STYXL2: variants seen among roughly 807,000 people sequenced by gnomAD.
STYXL2 encodes the protein serine/threonine/tyrosine interacting like 2, also known as serine/threonine/tyrosine-interacting-like protein 2.
A neutral mutation model predicts 52.4 loss-of-function variants in STYXL2; 44 were observed. That is an observed-to-expected ratio of 0.84 (90% CI 0.66 to 1.08). STYXL2 has a LOEUF of 1.08. Ranked by LOEUF, STYXL2 falls within the 50% of genes least tolerant of loss-of-function variation. The pLI, the probability that STYXL2 is intolerant of heterozygous loss-of-function variation, is 0.00. For synonymous variants in STYXL2, 604 were observed against 586.9 expected (o/e 1.03, Z -0.42); for missense variants, 1,604 against 1,471.7 (o/e 1.09, Z -1.47).
At position 167,128,019 on chromosome 1, in the gene STYXL2, C is replaced by A. The variant is rs747957900; in HGVS notation, c.2888C>A (p.Thr963Asn). ...TCTGGAAGTTCCAGAGGGAAGTACA[C>A]CAGATCGTCCCTGCTCAGGGAGACA... ...DWSGSSRGKY[T>N]RSSLLRETES... is the part of the protein sequence containing the mutation. Residue 963 changes from threonine (T) to asparagine (N), a missense_variant, in exon 6 of 6, where the codon ACC (threonine) becomes AAC (asparagine). Transcript: ENST00000361200. 11 of 1,614,206 alleles carry A rather than the reference C, an allele frequency of 6.8e-6. No individual in the cohort carries two copies. The highest frequency in any genetic ancestry group is 8.5e-6 in the Non-Finnish European group (10 of 1,180,036).
At chr1:167,114,018 C>G (rs558244041) in intron 3 of STYXL2, among the ~76,000 whole-genome samples, 2 of 152,266 alleles carry the variant, frequency 1.3e-5, no homozygotes, top group Non-Finnish European at 2.9e-5. Context: ...CAGGGACAAC[C>G]AGAGAGGCAG....
At chr1:167,120,973 T>A (rs2102243114) in intron 5 of STYXL2, among the ~76,000 whole-genome samples, 1 of 150,986 alleles carries the variant, frequency 6.6e-6, no homozygotes. Context: ...CTCACATATA[T>A]ATACAGTTTT....
Position 167,119,436 on chromosome 1 carries a change from T to A in STYXL2, c.625T>A (p.Phe209Ile). 2 of 1,614,162 alleles carry A rather than the reference T, an allele frequency of 1.2e-6. No individual in the cohort carries two copies. The highest frequency in any genetic ancestry group is 1.7e-6 in the Non-Finnish European group (2 of 1,180,022). Residue 209 changes from phenylalanine (F) to isoleucine (I), a missense_variant, in exon 5 of 6, where the codon TTC becomes ATC. Physicochemically the swap from Phe to Ile is conservative, Grantham distance 21. Coordinates refer to ENST00000361200, the MANE Select transcript of STYXL2 (RefSeq NM_001080426.3). ...ISQHFRKASEFLDEALLTYRG... is the reference protein window; with the variant it reads ...ISQHFRKASEILDEALLTYRG... The stretch of plus-strand genomic sequence containing the variant: ...CCAGCATTTCCGGAAGGCGTCTGAG[T>A]TCCTGGATGAGGCGCTGCTGACTTA...
Position 167,117,536 on chromosome 1 carries a change from G to A in STYXL2, c.414G>A (p.Trp138Ter), listed in dbSNP as rs1265998887. 1.9e-6 allele frequency: 3 copies of A among 1,604,820 alleles called. No homozygotes were observed. Among genetic ancestry groups the A allele is most frequent in the Middle Eastern group, 1.7e-4 (1 of 6,054 alleles). Residue 138 changes from tryptophan (W) to a stop codon, truncating the protein, a stop_gained, in exon 4 of 6, where the codon TGG (tryptophan) becomes TGA (stop). Coordinates refer to ENST00000361200, the MANE Select transcript of STYXL2 (RefSeq NM_001080426.3). LOFTEE classifies it high-confidence loss of function. ...EAPWNEVDEV[W>*]PNVFIAEKSV... ...CCTGGAATGAGGTGGATGAGGTCTG[G>A]CCCAATGTCTTCATAGCTGAGAAGT...
At chr1:167,111,469 C>CATATATATAT (rs776014246) in intron 2 of STYXL2, among the ~76,000 whole-genome samples, 23 of 79,866 alleles carry the variant, frequency 2.9e-4, no homozygotes, top group Admixed American at 4.8e-4. Context: ...AAATATGGTA[C>CATATATATAT]ATATATATAT....
intron 2 of STYXL2, among the ~76,000 whole-genome samples, chr1:167,112,673 C>T (rs1438393485): frequency 6.6e-6 from 1 of 152,200 alleles, no homozygotes; most frequent in East Asian, 1.9e-4. Context: ...AGCAGGACTG[C>T]CCTATGTTCT....
In STYXL2 at chr1:167,097,634, A is replaced by T. The variant is rs12086427; in HGVS notation, c.110+2675A>T. 1.9e-3 allele frequency among the ~76,000 whole-genome samples: 283 copies of T among 152,242 alleles called. 2 individuals carry two copies. The highest frequency in any genetic ancestry group is 6.5e-3 in the African/African-American group (268 of 41,542). Reference sequence around the variant, plus strand: ...ATAATCAATCTAAAAGGAGAAAAGAAAGTAGAGAAAAAGAATACAGAAAAA... The same window carrying T: ...ATAATCAATCTAAAAGGAGAAAAGATAGTAGAGAAAAAGAATACAGAAAAA... On this transcript the variant is annotated intron_variant, in intron 2 of 5. Coordinates refer to ENST00000361200, the MANE Select transcript of STYXL2 (RefSeq NM_001080426.3).
chr1:167,108,480 C>T lies in STYXL2; in HGVS notation c.111-5230C>T, dbSNP rs180719994. 4.7e-4 allele frequency among the ~76,000 whole-genome samples: 71 copies of T among 152,298 alleles called. 1 individual carries two copies. Among genetic ancestry groups the T allele is most frequent in the Admixed American group, 2.4e-3 (36 of 15,302 alleles). ...ACGTTTGTTTGAAAATGCATCTTTT[C>T]GTCACAGAAAATGCTTGGTGCTAGA... On this transcript the variant is annotated intron_variant, in intron 2 of 5. Transcript: ENST00000361200.
chr1:167,101,675 G>A (rs1340260858), intron 2 of STYXL2, among the ~76,000 whole-genome samples: 1 of 152,032 alleles, frequency 6.6e-6, no homozygotes, highest in East Asian at 1.9e-4. Context: ...GTGGTGGTGG[G>A]CACCTGTAAG....
intron 5 of STYXL2, among the ~76,000 whole-genome samples, chr1:167,125,571 T>C (rs1305421302): frequency 6.6e-6 from 1 of 152,198 alleles, no homozygotes; most frequent in African/African-American, 2.4e-5. Flanking sequence ...GTGTTTCAAA[T>C]ACAGGGCCAG....
In STYXL2 at chr1:167,118,343, A is replaced by C. The variant is rs148133359; in HGVS notation, c.437+784A>C. Reference sequence around the variant, plus strand: ...TTGCTGACTCATCGAATACTTAATGAGATGTTTTCCCAGTGTAATTATCCA... The same window carrying C: ...TTGCTGACTCATCGAATACTTAATGCGATGTTTTCCCAGTGTAATTATCCA... On this transcript the variant is annotated intron_variant, in intron 4 of 5. Coordinates refer to ENST00000361200, the MANE Select transcript of STYXL2 (RefSeq NM_001080426.3). 1.6e-4 allele frequency among the ~76,000 whole-genome samples: 24 copies of C among 152,322 alleles called. No homozygotes were observed. In the East Asian group the frequency reaches 4.4e-3, roughly 28 times the overall value.
chr1:167,122,420 C>T (rs183980673), intron 5 of STYXL2, among the ~76,000 whole-genome samples: 31 of 152,136 alleles, frequency 2.0e-4, no homozygotes, highest in East Asian at 3.9e-4. Context: ...AATTTCCTGG[C>T]GAATTTGTCA....
chr1:167,114,399 TC>T (rs1360189212), intron 3 of STYXL2, among the ~76,000 whole-genome samples: 5 of 152,220 alleles, frequency 3.3e-5, no homozygotes, highest in Non-Finnish European at 7.3e-5. Context: ...ATTTCTTTCT[TC>T]CCCTTTCTTC....
rs755010880 is a variant in STYXL2 at position 167,128,011 on chromosome 1, G to A, written c.2880G>A (p.Gly960=). The A allele has an allele frequency of 4.5e-5, 72 of 1,614,102 alleles. No homozygotes were observed. Among genetic ancestry groups the A allele is most frequent in the Non-Finnish European group, 5.8e-5 (69 of 1,180,050 alleles). ...GTGACTGGTCTGGAAGTTCCAGAGG[G>A]AAGTACACCAGATCGTCCCTGCTCA... ...FQSDWSGSSR[G]KYTRSSLLRE... The change falls in exon 6 of 6, where the codon GGG becomes GGA. Residue 960 remains glycine (G), a synonymous_variant. Coordinates refer to ENST00000361200, the MANE Select transcript of STYXL2 (RefSeq NM_001080426.3).
chr1:167,120,457 A>G (rs1432859669), intron 5 of STYXL2, among the ~76,000 whole-genome samples: 2 of 152,142 alleles, frequency 1.3e-5, no homozygotes, highest in Non-Finnish European at 2.9e-5. Context: ...TGCATATAAA[A>G]TAACTCCCTT....
chr1:167,106,587 A>G (rs1185808822), intron 2 of STYXL2, among the ~76,000 whole-genome samples: 1 of 152,244 alleles, frequency 6.6e-6, no homozygotes, highest in Non-Finnish European at 1.5e-5. Flanking sequence ...GAAAAATAAA[A>G]TAATAAAACT....
At chr1:167,117,596 C>G in intron 4 of STYXL2, 37 bp downstream of exon 4, 1 of 1,540,626 alleles carries the variant, frequency 6.5e-7, no homozygotes, top group Non-Finnish European at 8.8e-7. Context: ...TTTGTCCTAA[C>G]CCTCTGGTTA....
chr1:167,122,332 T>C (rs1667873753), intron 5 of STYXL2, among the ~76,000 whole-genome samples: 1 of 152,144 alleles, frequency 6.6e-6, no homozygotes, highest in Non-Finnish European at 1.5e-5. Flanking sequence ...CTTCTTTCTC[T>C]CTCTACTTCA....
At chr1:167,115,541 C>T (rs1667706332) in intron 3 of STYXL2, among the ~76,000 whole-genome samples, 2 of 152,146 alleles carry the variant, frequency 1.3e-5, no homozygotes, top group South Asian at 4.1e-4. Flanking sequence ...ATGGAAACAA[C>T]AACCTGCTAG....
Sources: gnomAD v4.1 joint callset for allele counts (sites outside exome capture counted in the v4.1 genomes callset) on GRCh38, gnomAD v4.1.1 for gene constraint, MANE v1.5 for transcripts, NCBI Gene and HGNC (gene_info 2026-07-23, HGNC 2026-07-21) for gene names.